Variants in SNCAIP observed in about 807,000 individuals in gnomAD.
The protein encoded by SNCAIP is synphilin-1.
SNCAIP carries 43 observed loss-of-function variants against 86.7 expected under a neutral mutation model. The ratio of observed to expected loss-of-function variants is 0.50; its 90% CI spans 0.39 to 0.64. SNCAIP has a LOEUF of 0.64. Ranked by LOEUF, SNCAIP falls within the 30% of genes least tolerant of loss-of-function variation. SNCAIP has a pLI of 0.00. For missense variants in SNCAIP, 981 were observed against 1,103.1 expected (o/e 0.89, Z 1.57); for synonymous variants, 417 against 427.2 (o/e 0.98, Z 0.29).
chr5:122,457,836 G>A (rs1785147908), intron 10 of SNCAIP, among the ~76,000 whole-genome samples: 1 of 152,190 alleles, frequency 6.6e-6, no homozygotes, highest in Non-Finnish European at 1.5e-5. Flanking sequence ...AGGTTTTGGG[G>A]TTTCTATTGA....
intron 1 of SNCAIP, among the ~76,000 whole-genome samples, chr5:122,363,165 G>A (rs1762516714): frequency 6.6e-6 from 1 of 151,816 alleles, no homozygotes; most frequent in African/African-American, 2.4e-5. Flanking sequence ...CCTGGCTAAT[G>A]TCGTATTTTT....
intron 2 of SNCAIP, among the ~76,000 whole-genome samples, chr5:122,396,152 T>C (rs7702201): frequency 0.021 from 3,263 of 152,284 alleles, 116 homozygotes; most frequent in African/African-American, 0.075. Flanking sequence ...CATTCTTCCC[T>C]TCTCCAGCTC....
chr5:122,461,276 A>C (rs1412017003), intron 10 of SNCAIP, among the ~76,000 whole-genome samples: 1 of 151,922 alleles, frequency 6.6e-6, no homozygotes, highest in South Asian at 2.1e-4. Flanking sequence ...TTTATCTCCA[A>C]TATTTTGATT....
intron 10 of SNCAIP, among the ~76,000 whole-genome samples, chr5:122,459,047 G>C (rs187839646): frequency 8.5e-5 from 13 of 152,232 alleles, no homozygotes; most frequent in African/African-American, 3.1e-4. Flanking sequence ...AAAATGGTGT[G>C]TTCTTTATCA....
At chr5:122,438,868 G>A (rs977763254) in intron 6 of SNCAIP, among the ~76,000 whole-genome samples, 1 of 152,168 alleles carries the variant, frequency 6.6e-6, no homozygotes, top group Non-Finnish European at 1.5e-5. Context: ...GTTTGAGAAT[G>A]ACCCATTGAA....
chr5:122,312,184 C>G (rs1443991578), upstream of SNCAIP: 1 of 151,374 alleles, frequency 6.6e-6, no homozygotes, highest in Non-Finnish European at 1.5e-5. Flanking sequence ...CCACCGCCCG[C>G]CTACTTCGGC....
chr5:122,408,367 T>C (rs944587607), intron 3 of SNCAIP, among the ~76,000 whole-genome samples: 2 of 152,144 alleles, frequency 1.3e-5, no homozygotes, highest in Non-Finnish European at 2.9e-5. Context: ...AGCCCCTCTG[T>C]GAGACACGCA....
intron 6 of SNCAIP, among the ~76,000 whole-genome samples, chr5:122,437,870 C>G (rs1779889267): frequency 6.6e-6 from 1 of 152,172 alleles, no homozygotes; most frequent in African/African-American, 2.4e-5. Flanking sequence ...GTCCTAGACT[C>G]TCCCCACAGA....
intron 3 of SNCAIP, among the ~76,000 whole-genome samples, chr5:122,411,476 C>T (rs1308043966): frequency 6.6e-6 from 1 of 152,120 alleles, no homozygotes; most frequent in Admixed American, 6.6e-5. Flanking sequence ...TACCCTTTTG[C>T]TTTTGTCTCT....
chr5:122,363,101 A>T (rs1367537593), intron 1 of SNCAIP, among the ~76,000 whole-genome samples: 1 of 150,466 alleles, frequency 6.6e-6, no homozygotes, highest in Non-Finnish European at 1.5e-5. Context: ...GGATCAAGCG[A>T]TTCTCTTGCC....
rs10070158 is a variant in SNCAIP at position 122,403,846 on chromosome 5, G to A, written c.111G>A (p.Thr37=). The A allele has an allele frequency of 1.2e-3, 1,909 of 1,613,520 alleles. 1 individual carries two copies. The highest frequency in any genetic ancestry group is 3.6e-3 in the Middle Eastern group (22 of 6,060). The change falls in exon 3 of 11, where the codon ACG becomes ACA. Residue 37 remains threonine, a synonymous_variant. Transcript: ENST00000261368. Reference sequence around the variant, plus strand: ...CAGAACTGTGCCGAAGATGTGATACGCAAAACGAAGACAGATCAGGTAGGT... The same window carrying A: ...CAGAACTGTGCCGAAGATGTGATACACAAAACGAAGACAGATCAGGTAGGT... ...TIPELCRRCD[T]QNEDRSVSSS... is the part of the protein sequence containing the mutation.
At chr5:122,406,618 C>T (rs904732746) in intron 3 of SNCAIP, among the ~76,000 whole-genome samples, 1 of 152,114 alleles carries the variant, frequency 6.6e-6, no homozygotes, top group Non-Finnish European at 1.5e-5. Flanking sequence ...AGTGAGTTCT[C>T]ATGAGATCTG....
At chr5:122,416,252 G>C (rs115667482) in intron 3 of SNCAIP, among the ~76,000 whole-genome samples, 2 of 152,144 alleles carry the variant, frequency 1.3e-5, no homozygotes, top group Middle Eastern at 3.2e-3. Context: ...CACATTCAAC[G>C]ACAGCTGCTT....
In SNCAIP at chr5:122,444,715, A is replaced by T; in HGVS notation, c.1575A>T (p.Leu525Phe). Residue 525 changes from leucine to phenylalanine, a missense_variant, in exon 8 of 11, where the codon TTA (leucine) becomes TTT (phenylalanine). By Grantham distance (22) the Leu-to-Phe change is conservative (BLOSUM62 0). Coordinates refer to ENST00000261368, the MANE Select transcript of SNCAIP (RefSeq NM_005460.4). ...CGCTGGCCTCTCAAGTGGTGAAGTT[A>T]ACCAAGCAGCTAAAGGAGTAAGTGG... ...CMSLASQVVK[L>F]TKQLKEQTVE... The T allele has an allele frequency of 3.7e-6, 6 of 1,613,902 alleles. No homozygotes were observed. Among genetic ancestry groups the T allele is most frequent in the Non-Finnish European group, 4.2e-6 (5 of 1,179,836 alleles).
At chr5:122,350,172 A>G (rs1759469820) in intron 1 of SNCAIP, among the ~76,000 whole-genome samples, 1 of 152,204 alleles carries the variant, frequency 6.6e-6, no homozygotes, top group Non-Finnish European at 1.5e-5. Flanking sequence ...GGAATACGTT[A>G]AGCATGGTAA....
chr5:122,400,966 C>T (rs1193841374), intron 2 of SNCAIP: 5 of 1,537,958 alleles, frequency 3.3e-6, no homozygotes, highest in Non-Finnish European at 4.4e-6. Flanking sequence ...CAAGCCCCCT[C>T]TTCACTCTTC....
intron 1 of SNCAIP, among the ~76,000 whole-genome samples, chr5:122,357,359 C>A (rs1043205922): frequency 6.6e-6 from 1 of 152,172 alleles, no homozygotes; most frequent in East Asian, 1.9e-4. Context: ...CCTCAGCCTC[C>A]CGAGTAGCTA....
At chr5:122,348,281 G>GA (rs1201434331) in intron 1 of SNCAIP, among the ~76,000 whole-genome samples, 6 of 151,928 alleles carry the variant, frequency 3.9e-5, no homozygotes, top group African/African-American at 9.7e-5. Flanking sequence ...CTCATTAAAG[G>GA]AAAAAAGACA....
intron 1 of SNCAIP, among the ~76,000 whole-genome samples, chr5:122,316,436 G>A (rs769364124): frequency 1.3e-5 from 2 of 152,202 alleles, no homozygotes; most frequent in Non-Finnish European, 2.9e-5. Flanking sequence ...GGACACTGGA[G>A]CACTGCTGTC....
Sources: allele counts gnomAD v4.1 joint callset (sites outside exome capture counted in the v4.1 genomes callset), GRCh38; gene constraint gnomAD v4.1.1; transcripts MANE v1.5; gene names NCBI Gene and HGNC (gene_info 2026-07-23, HGNC 2026-07-21).